Variants in CAMK4 observed in about 807,000 individuals in gnomAD.
The protein encoded by CAMK4 is calcium/calmodulin dependent protein kinase IV, also known as calcium/calmodulin-dependent protein kinase type IV.
A neutral mutation model predicts 44.9 loss-of-function variants in CAMK4; 22 were observed. The ratio of observed to expected loss-of-function variants is 0.49; its 90% confidence interval spans 0.35 to 0.70. The LOEUF (loss-of-function observed/expected upper bound fraction) is 0.70, where lower values mean the gene tolerates loss of function less well. Among genes scored for constraint, CAMK4 ranks in the 30% least tolerant of loss-of-function variants. The pLI, the probability that CAMK4 is intolerant of heterozygous loss-of-function variation, is 0.01. For missense variants in CAMK4, 498 were observed against 586.8 expected, an observed-to-expected ratio of 0.85 and a Z score of 1.56; for synonymous variants, 218 against 215.4, an observed-to-expected ratio of 1.01 and a Z score of -0.11.
chr5:111,328,569 G>A (rs575542515), intron 1 of CAMK4, among the ~76,000 whole-genome samples: 1 of 152,176 alleles, frequency 6.6e-6, no homozygotes, highest in East Asian at 1.9e-4. Flanking sequence ...TAGCTTGATG[G>A]GGATGGCATT....
At chr5:111,396,626 AT>A (rs1752018430) in intron 5 of CAMK4, among the ~76,000 whole-genome samples, 1 of 82,086 alleles carries the variant, frequency 1.2e-5, no homozygotes, top group African/African-American at 4.8e-5. Context: ...CCATTAACTC[AT>A]ATTCTTTTTT....
chr5:111,385,045 G>A (rs1222019943), intron 4 of CAMK4, among the ~76,000 whole-genome samples: 1 of 152,052 alleles, frequency 6.6e-6, no homozygotes, highest in Non-Finnish European at 1.5e-5. Context: ...TGACATAGAC[G>A]CTAATATTTT....
rs1346502873 is a variant in CAMK4, at chr5:111,224,564, C to T, written c.81C>T (p.Ser27=). Reference sequence around the variant, plus strand: ...CCAGTGCGGCCCCGGGGACCGCGAGCCTCGTCCCGGATTACTGGATCGACG... The same window carrying T: ...CCAGTGCGGCCCCGGGGACCGCGAGTCTCGTCCCGGATTACTGGATCGACG... The part of the protein sequence containing the change: ...VTASAAPGTA[S]LVPDYWIDGS... The change falls in exon 1 of 11, where the codon AGC becomes AGT. Residue 27 remains serine, a synonymous_variant. Coordinates refer to ENST00000282356, the MANE Select transcript of CAMK4 (RefSeq NM_001744.6). This position sits in a 1 kb window ranked among gnomAD's most constrained non-coding sequence, Gnocchi z 5.7. 3 of 1,612,394 alleles carry T rather than the reference C, an allele frequency of 1.9e-6. No individual in the cohort carries two copies. Among genetic ancestry groups the T allele is most frequent in the Non-Finnish European group, 2.5e-6 (3 of 1,179,638 alleles).
chr5:111,318,682 T>G (rs1748536070), intron 1 of CAMK4, among the ~76,000 whole-genome samples: 1 of 152,174 alleles, frequency 6.6e-6, no homozygotes, highest in African/African-American at 2.4e-5. Flanking sequence ...CTAATGTCAC[T>G]TCTGGCCTTA....
intron 5 of CAMK4, among the ~76,000 whole-genome samples, chr5:111,420,839 G>A (rs1162557431): frequency 6.6e-6 from 1 of 152,148 alleles, no homozygotes; most frequent in Non-Finnish European, 1.5e-5. Context: ...AACAATTGCT[G>A]TTATCCTGTT....
intron 5 of CAMK4, among the ~76,000 whole-genome samples, chr5:111,440,765 G>GA (rs1377716455): frequency 6.6e-6 from 1 of 151,976 alleles, no homozygotes; most frequent in East Asian, 1.9e-4. Context: ...AAAACAGAAG[G>GA]AAAAAATATG....
At chr5:111,423,082 G>A (rs953670555) in intron 5 of CAMK4, among the ~76,000 whole-genome samples, 3 of 152,222 alleles carry the variant, frequency 2.0e-5, no homozygotes, top group Non-Finnish European at 4.4e-5. Flanking sequence ...TCTTGTTTAG[G>A]ATCCTAGCAT....
rs1755819047 is a variant in CAMK4 at position 111,491,264 on chromosome 5, T to A, written c.*6798T>A. The A allele has an allele frequency of 6.6e-6, 1 of 152,144 alleles. No homozygotes were observed. Among genetic ancestry groups the A allele is most frequent in the Admixed American group, 6.5e-5 (1 of 15,274 alleles). The allele number at this position is 152,144 out of a possible 1,614,324, so 9.4% of individuals were successfully genotyped here. A position where few individuals can be genotyped will look rare whatever the true frequency, so the allele number is the denominator to read the frequency against. On this transcript the variant is annotated 3_prime_UTR_variant, in exon 11 of 11. Coordinates refer to ENST00000282356, the MANE Select transcript of CAMK4 (RefSeq NM_001744.6). ...TATGTACATATTGTTTGTGGCTGCTTTTATGTTGTCAAGGCAGAGTTGAGT... is the reference window on the plus strand; with the variant it reads ...TATGTACATATTGTTTGTGGCTGCTATTATGTTGTCAAGGCAGAGTTGAGT...
intron 1 of CAMK4, among the ~76,000 whole-genome samples, chr5:111,312,294 T>TA (rs1413240547): frequency 1.3e-5 from 2 of 152,152 alleles, no homozygotes; most frequent in African/African-American, 4.8e-5. Flanking sequence ...TAGACTTTAA[T>TA]ACTAGAGAGA....
intron 1 of CAMK4, among the ~76,000 whole-genome samples, chr5:111,229,970 A>G (rs1470783038): frequency 6.6e-6 from 1 of 152,174 alleles, no homozygotes; most frequent in African/African-American, 2.4e-5. Context: ...AGCACTTAGT[A>G]CTTAACAGGT....
chr5:111,360,443 G>T (rs1750546064), intron 2 of CAMK4, among the ~76,000 whole-genome samples: 1 of 152,054 alleles, frequency 6.6e-6, no homozygotes. Context: ...CTGGCTCTAT[G>T]GGAGAGGCCA....
chr5:111,473,259 A>T, intron 7 of CAMK4, 52 bp from the exon 8 acceptor site: 1 of 1,150,770 alleles, frequency 8.7e-7, no homozygotes, highest in Non-Finnish European at 1.3e-6. Context: ...TGATATTAAA[A>T]TATAAATATT....
intron 5 of CAMK4, among the ~76,000 whole-genome samples, chr5:111,410,012 C>T (rs1752574605): frequency 6.6e-6 from 1 of 152,178 alleles, no homozygotes; most frequent in African/African-American, 2.4e-5. Context: ...AACTTTCCCA[C>T]ATTTTCCAGT....
chr5:111,477,471 C>G (rs768444343), intron 8 of CAMK4, among the ~76,000 whole-genome samples: 1 of 152,106 alleles, frequency 6.6e-6, no homozygotes, highest in East Asian at 1.9e-4. Context: ...GGAACACATG[C>G]AACACATGCC....
chr5:111,239,989 A>G (rs767670252), intron 1 of CAMK4, among the ~76,000 whole-genome samples: 4 of 152,198 alleles, frequency 2.6e-5, no homozygotes, highest in African/African-American at 4.8e-5. Flanking sequence ...TATTTCATGT[A>G]TTGAAAAGAA....
At chr5:111,451,841 G>A (rs1380957454) in intron 7 of CAMK4, among the ~76,000 whole-genome samples, 1 of 152,178 alleles carries the variant, frequency 6.6e-6, no homozygotes, top group Non-Finnish European at 1.5e-5. Flanking sequence ...AGAGGCTGCA[G>A]TGAGCTATGA....
At chr5:111,336,584 A>C (rs1749415404) in intron 1 of CAMK4, among the ~76,000 whole-genome samples, 1 of 150,950 alleles carries the variant, frequency 6.6e-6, no homozygotes, top group South Asian at 2.1e-4. Context: ...TGTGTCCTGA[A>C]GTTGATCAGC....
chr5:111,479,014 A>G (rs527713660), intron 9 of CAMK4, among the ~76,000 whole-genome samples: 1 of 152,092 alleles, frequency 6.6e-6, no homozygotes, highest in Non-Finnish European at 1.5e-5. Context: ...AGTAGCTGGG[A>G]CACAGGTGCA....
chr5:111,469,144 C>CAAAAA (rs1176120789), intron 7 of CAMK4, among the ~76,000 whole-genome samples: 2 of 67,496 alleles, frequency 3.0e-5, no homozygotes, highest in African/African-American at 6.7e-5. Flanking sequence ...AACTCCATCT[C>CAAAAA]AAAAAAAAAA....
Sources: gnomAD v4.1 joint callset for allele counts (sites outside exome capture counted in the v4.1 genomes callset) on GRCh38, gnomAD v4.1.1 for gene constraint, Gnocchi (gnomAD v3.1) non-coding constraint, MANE v1.5 for transcripts, NCBI Gene and HGNC (gene_info 2026-07-23, HGNC 2026-07-21) for gene names.